PTBP3: variants seen among roughly 807,000 people sequenced by gnomAD.
PTBP3 encodes polypyrimidine tract-binding protein 3.
Under a neutral mutation model 58.7 loss-of-function variants are expected in PTBP3, and 20 were observed. That is an observed-to-expected ratio of 0.34 (90% confidence interval 0.24 to 0.50). The LOEUF (loss-of-function observed/expected upper bound fraction) is 0.50. PTBP3 is among the 20% of genes least tolerant of loss of function. PTBP3 has a pLI of 0.98. For missense variants in PTBP3, 509 were observed against 637.2 expected (o/e 0.80, Z 2.17); for synonymous variants, 185 against 219.8 (o/e 0.84, Z 1.40).
chr9:112,354,963 G>A, the PTBP3 span, among the ~76,000 whole-genome samples: 6 of 152,216 alleles, frequency 3.9e-5, no homozygotes, highest in South Asian at 2.1e-4. Context: ...GTGTAATACC[G>A]TTTCTCAGAA....
intron 1 of PTBP3, among the ~76,000 whole-genome samples, chr9:112,310,796 CAA>C (rs1308944594): frequency 6.6e-6 from 1 of 152,106 alleles, no homozygotes; most frequent in African/African-American, 2.4e-5. Context: ...GGCATTTAAC[CAA>C]AGTCTTACAA....
chr9:112,262,663 T>G (rs1836647753), intron 4 of PTBP3, 64 bp from the exon 5 acceptor site: 24 of 1,409,420 alleles, frequency 1.7e-5, no homozygotes, highest in African/African-American at 3.0e-5. Flanking sequence ...TCCTAAAATT[T>G]AGTTGACATA....
At chr9:112,333,033 A>G (rs1830441771) in intron 1 of PTBP3, 1 of 1,272,254 alleles carries the variant, frequency 7.9e-7, no homozygotes, top group Non-Finnish European at 9.9e-7. Flanking sequence ...CCTCGCCGGT[A>G]AACAGCAACT....
At chr9:112,319,245 A>C (rs1399428695) in intron 1 of PTBP3, among the ~76,000 whole-genome samples, 1 of 151,974 alleles carries the variant, frequency 6.6e-6, no homozygotes, top group Non-Finnish European at 1.5e-5. Flanking sequence ...GAAGACGGAA[A>C]TTGAAGACAC....
chr9:112,297,876 C>G lies in PTBP3; in HGVS notation c.-11G>C. ...AGTAGAACTATTCATGGTAAAAGGT[C>G]CGTTAATGATGCCAGAAGAAAGAAG... On this transcript the variant is annotated 5_prime_UTR_variant, in exon 2 of 14. Coordinates refer to ENST00000374257, the MANE Select transcript of PTBP3 (RefSeq NM_001163788.4). 6.2e-7 allele frequency: 1 copy of G among 1,612,182 alleles called. No homozygotes were observed. Among genetic ancestry groups the G allele is most frequent in the Non-Finnish European group, 8.5e-7 (1 of 1,179,460 alleles).
At chr9:112,294,558 T>C (rs1486058068) in intron 2 of PTBP3, among the ~76,000 whole-genome samples, 1 of 152,158 alleles carries the variant, frequency 6.6e-6, no homozygotes, top group Admixed American at 6.5e-5. Context: ...GCAAACATTA[T>C]ATTAAAAGAT....
chr9:112,272,229 A>AT (rs1827420267), intron 3 of PTBP3, among the ~76,000 whole-genome samples: 1 of 151,850 alleles, frequency 6.6e-6, no homozygotes. Flanking sequence ...CACTTGGCTA[A>AT]TTTTTTACAA....
In PTBP3 at chr9:112,220,276, G is replaced by T; in HGVS notation, c.*3575C>A. The T allele has an allele frequency of 7.5e-7, 1 of 1,331,562 alleles. No individual in the cohort carries two copies. Among genetic ancestry groups the T allele is most frequent in the Non-Finnish European group, 9.9e-7 (1 of 1,011,860 alleles). The allele number at this position is 1,331,562 out of a possible 1,614,324, so 82.5% of individuals were successfully genotyped here. On this transcript the variant is annotated 3_prime_UTR_variant, in exon 14 of 14. Transcript: ENST00000374257. ...ACTGATGGCACGGAGACACTGAAAAGAACAGAGAGCCAGGCGTGGTGGCTC... is the reference window on the plus strand; with the variant it reads ...ACTGATGGCACGGAGACACTGAAAATAACAGAGAGCCAGGCGTGGTGGCTC...
chr9:112,352,192 G>T, the PTBP3 span, among the ~76,000 whole-genome samples: 3 of 152,180 alleles, frequency 2.0e-5, no homozygotes, highest in Admixed American at 2.0e-4. Context: ...AAAGTGCTGA[G>T]ATCACAGATG....
chr9:112,250,413 G>A (rs1445089303), intron 7 of PTBP3, among the ~76,000 whole-genome samples: 1 of 152,118 alleles, frequency 6.6e-6, no homozygotes, highest in Non-Finnish European at 1.5e-5. Flanking sequence ...TTAGAAGGCT[G>A]TATTTTTACT....
the PTBP3 span, among the ~76,000 whole-genome samples, chr9:112,339,290 C>CAA: frequency 2.9e-3 from 205 of 71,662 alleles, 4 homozygotes; most frequent in African/African-American, 7.9e-3. Flanking sequence ...GACTCTGTCT[C>CAA]AAAAAAAAAA....
the PTBP3 span, among the ~76,000 whole-genome samples, chr9:112,376,180 C>T: frequency 6.3e-5 from 5 of 78,776 alleles, no homozygotes; most frequent in South Asian, 4.3e-4. Context: ...TATATATATC[C>T]TATTACTTCC....
chr9:112,371,327 T>G, the PTBP3 span, among the ~76,000 whole-genome samples: 1 of 152,220 alleles, frequency 6.6e-6, no homozygotes, highest in Non-Finnish European at 1.5e-5. Flanking sequence ...GCTAGACTCC[T>G]TGCTGCCTCA....
At chr9:112,367,288 T>A in the PTBP3 span, among the ~76,000 whole-genome samples, 283 of 152,344 alleles carry the variant, frequency 1.9e-3, 3 homozygotes, top group African/African-American at 6.6e-3. Context: ...AATTTGACTA[T>A]TTTTACCCTT....
At chr9:112,356,738 G>A in the PTBP3 span, among the ~76,000 whole-genome samples, 1 of 151,942 alleles carries the variant, frequency 6.6e-6, no homozygotes, top group Non-Finnish European at 1.5e-5. Context: ...TTGGAGCAGT[G>A]GGATTGTCAG....
the PTBP3 span, among the ~76,000 whole-genome samples, chr9:112,344,903 C>T: frequency 3.3e-5 from 5 of 151,994 alleles, no homozygotes; most frequent in South Asian, 4.1e-4. Context: ...GAGGCCGAGG[C>T]GGGTGGATCA....
chr9:112,322,888 T>C (rs111435841), intron 1 of PTBP3, among the ~76,000 whole-genome samples: 5,227 of 152,244 alleles, frequency 0.034, 198 homozygotes, highest in African/African-American at 0.098. Flanking sequence ...CATGTCCAGG[T>C]GAACCAAGCT....
chr9:112,340,858 A>G, the PTBP3 span, among the ~76,000 whole-genome samples: 1 of 146,652 alleles, frequency 6.8e-6, no homozygotes, highest in Non-Finnish European at 1.5e-5. Context: ...CTTGGGCAAC[A>G]AGAGCGAAAC....
At chr9:112,365,600 T>G in the PTBP3 span, among the ~76,000 whole-genome samples, 17 of 152,114 alleles carry the variant, frequency 1.1e-4, no homozygotes, top group South Asian at 2.1e-4. Flanking sequence ...AGCATGAAAA[T>G]GGACTAATAC....
Sources: gnomAD v4.1 joint callset for allele counts (sites outside exome capture counted in the v4.1 genomes callset) on GRCh38, gnomAD v4.1.1 for gene constraint, MANE v1.5 for transcripts, NCBI Gene and HGNC (gene_info 2026-07-23, HGNC 2026-07-21) for gene names.